The following TBC1D32 variants were observed in gnomAD, a reference collection of about 807,000 sequenced individuals.
TBC1D32 encodes protein broad-minded.
A neutral mutation model predicts 170.3 loss-of-function variants in TBC1D32; 151 were observed. The observed-to-expected ratio is 0.89, with a 90% CI of 0.78 to 1.01. The LOEUF is 1.01. Ranked by LOEUF, TBC1D32 falls within the 50% of genes least tolerant of loss-of-function variation. TBC1D32 has a pLI of 0.00. For synonymous variants in TBC1D32, 498 were observed against 488.0 expected, an observed-to-expected ratio of 1.02 and a Z score of -0.27; for missense variants, 1,464 against 1,457.1, an observed-to-expected ratio of 1.00 and a Z score of -0.08.
At chr6:121,211,171 G>A (rs1016233363) in intron 21 of TBC1D32, among the ~76,000 whole-genome samples, 7 of 152,104 alleles carry the variant, frequency 4.6e-5, no homozygotes, top group South Asian at 4.2e-4. Context: ...AGGGGGCGGC[G>A]AGGAAAGGAT....
At chr6:121,149,001 T>A (rs1049321228) in intron 24 of TBC1D32, among the ~76,000 whole-genome samples, 3 of 152,056 alleles carry the variant, frequency 2.0e-5, no homozygotes, top group African/African-American at 7.3e-5. Flanking sequence ...ATCTCTCTAA[T>A]GGCCAGTGAT....
At position 121,126,476 on chromosome 6, in the gene TBC1D32, G is replaced by A. The variant is rs1477800765; in HGVS notation, c.2900-15C>T. ...TTCTATTAAGGCTGTAATAAACAAA[G>A]GAATAATTAGGATATTAAAGGTCAG... On this transcript the variant is annotated splice_polypyrimidine_tract_variant and intron_variant, in intron 25 of 31. Transcript: ENST00000398212. 6.4e-7 allele frequency: 1 copy of A among 1,561,122 alleles called. No individual in the cohort carries two copies. The highest frequency in any genetic ancestry group is 8.8e-7 in the Non-Finnish European group (1 of 1,136,456).
rs190176235 is a variant in TBC1D32, at chr6:121,170,994, T to A, written c.2571-9938A>T. Among the ~76,000 whole-genome samples, 297 of 152,114 alleles carry A rather than the reference T, an allele frequency of 2.0e-3. 3 individuals are homozygous for A. In the Middle Eastern group the frequency reaches 0.037, roughly 19 times the overall value. ...ATTGTCAGATCAAGCTAAGAACACC[T>A]AAGCCCACTTATCTATCTTAATATT... On this transcript the variant is annotated intron_variant, in intron 22 of 31. Transcript: ENST00000398212.
chr6:121,237,072 G>A (rs1583335342), intron 20 of TBC1D32: 1 of 151,924 alleles, frequency 6.6e-6, no homozygotes, highest in Admixed American at 6.6e-5. Context: ...TGAAAGGCAG[G>A]TCTGCTGACA....
intron 22 of TBC1D32, among the ~76,000 whole-genome samples, chr6:121,175,981 CCTA>C (rs945250152): frequency 2.6e-5 from 4 of 152,180 alleles, no homozygotes; most frequent in Admixed American, 1.3e-4. Flanking sequence ...TGGTTGAATA[CCTA>C]CTAAGTGCCT....
intron 15 of TBC1D32, among the ~76,000 whole-genome samples, chr6:121,273,638 T>TAAAAAAAA (rs35856036): frequency 7.1e-6 from 1 of 140,730 alleles, no homozygotes. Context: ...AAGTATAATT[T>TAAAAAAAA]AAAAAAAAAA....
At chr6:121,104,825 C>T (rs1778523597) in intron 30 of TBC1D32, among the ~76,000 whole-genome samples, 1 of 151,528 alleles carries the variant, frequency 6.6e-6, no homozygotes, top group Non-Finnish European at 1.5e-5. Flanking sequence ...AGTATAATAA[C>T]ACAATTTTTC....
chr6:121,123,814 C>T (rs936587532), intron 26 of TBC1D32, among the ~76,000 whole-genome samples: 4 of 151,518 alleles, frequency 2.6e-5, no homozygotes, highest in East Asian at 1.9e-4. Context: ...TTTCTTACTA[C>T]CTTCTTTTGC....
At chr6:121,148,837 C>G (rs186926081) in intron 24 of TBC1D32, among the ~76,000 whole-genome samples, 1 of 152,268 alleles carries the variant, frequency 6.6e-6, no homozygotes, top group Non-Finnish European at 1.5e-5. Flanking sequence ...TGGTGTTGAA[C>G]TCCTGACCTC....
intron 12 of TBC1D32, among the ~76,000 whole-genome samples, chr6:121,289,512 T>C (rs1439032778): frequency 2.0e-5 from 3 of 152,088 alleles, no homozygotes; most frequent in South Asian, 2.1e-4. Context: ...TACAAACAAA[T>C]GGAAGAACAT....
chr6:121,119,623 T>C (rs1237042787), intron 26 of TBC1D32, among the ~76,000 whole-genome samples: 2 of 152,116 alleles, frequency 1.3e-5, no homozygotes, highest in Non-Finnish European at 2.9e-5. Context: ...AATTCCCAAC[T>C]TGTTCCAGGG....
chr6:121,098,052 G>T (rs1325931150), intron 30 of TBC1D32, among the ~76,000 whole-genome samples: 2 of 151,884 alleles, frequency 1.3e-5, no homozygotes, highest in African/African-American at 2.4e-5. Context: ...ATTGGGGAGT[G>T]GGGGCCTAGG....
chr6:121,103,802 G>A (rs772830630), intron 30 of TBC1D32, among the ~76,000 whole-genome samples: 33 of 151,826 alleles, frequency 2.2e-4, no homozygotes, highest in Non-Finnish European at 5.9e-5. Flanking sequence ...TTACACTAAC[G>A]TAGATTAGAA....
chr6:121,247,276 T>C (rs1797731571), intron 17 of TBC1D32, among the ~76,000 whole-genome samples: 1 of 151,954 alleles, frequency 6.6e-6, no homozygotes, highest in Non-Finnish European at 1.5e-5. Context: ...CAAATGCTAA[T>C]TAAATTTGCT....
At chr6:121,195,920 G>A (rs538913837) in intron 22 of TBC1D32, among the ~76,000 whole-genome samples, 134 of 152,328 alleles carry the variant, frequency 8.8e-4, no homozygotes, top group African/African-American at 3.1e-3. Context: ...ATGGCCAGAT[G>A]TGTAATTATA....
chr6:121,161,912 T>C (rs1437049041), intron 22 of TBC1D32, among the ~76,000 whole-genome samples: 1 of 152,242 alleles, frequency 6.6e-6, no homozygotes, highest in Non-Finnish European at 1.5e-5. Flanking sequence ...GTGGTTTTCA[T>C]TTGCATTTCT....
chr6:121,305,536 T>TG (rs148545247), intron 5 of TBC1D32, among the ~76,000 whole-genome samples: 1,612 of 151,594 alleles, frequency 0.011, 29 homozygotes, highest in African/African-American at 0.036. Context: ...TAGTCTAATC[T>TG]GGGGGGGGAT....
intron 22 of TBC1D32, among the ~76,000 whole-genome samples, chr6:121,169,060 A>C (rs984623221): frequency 6.1e-4 from 42 of 69,196 alleles, no homozygotes; most frequent in African/African-American, 9.8e-4. Flanking sequence ...AGAATCAGAA[A>C]AAAAATATTT....
rs77386127 is a variant in TBC1D32, at chr6:121,308,062, G to C, written c.604C>G (p.Pro202Ala). Residue 202 changes from proline to alanine, a missense_variant, in exon 5 of 32, where the codon CCA becomes GCA. By Grantham distance (27) the Pro-to-Ala change is conservative. Around this residue, in one of 3 missense-constraint regions of TBC1D32, gnomAD observed 1,363 missense variants for 1,338.1 expected, o/e 1.02. Transcript: ENST00000398212. ...TTTTCACAGTTGAGGACATCAGATG[G>C]AGGAGCTGAACATAATGTTTGCAAG... ...EALQTLCSAP[P>A]SDVLNCENWT... The C allele has an allele frequency of 1.6e-3, 2,593 of 1,613,720 alleles. 36 individuals carry two copies. In the African/African-American group the frequency reaches 0.03, roughly 18 times the overall value.
Sources: gnomAD v4.1 joint callset for allele counts (sites outside exome capture counted in the v4.1 genomes callset) on GRCh38, gnomAD v4.1.1 for gene constraint, gnomAD v4.1.1 regional missense constraint, MANE v1.5 for transcripts, NCBI Gene and HGNC (gene_info 2026-07-23, HGNC 2026-07-21) for gene names.